The following SGCD variants were observed in gnomAD, a reference collection of about 807,000 sequenced individuals.
SGCD encodes sarcoglycan delta, also known as delta-sarcoglycan.
A neutral mutation model predicts 36.6 loss-of-function variants in SGCD; 18 were observed. The observed-to-expected ratio is 0.49, with a 90% CI of 0.34 to 0.73. The LOEUF (loss-of-function observed/expected upper bound fraction) is 0.73. Ranked by LOEUF, SGCD falls within the 30% of genes least tolerant of loss-of-function variation. The probability of loss-of-function intolerance (pLI) is 0.01; values close to 1 mark genes in which losing one functional copy is unlikely to be tolerated. For missense variants in SGCD, 387 were observed against 346.7 expected (o/e 1.12, Z -0.92); for synonymous variants, 133 against 130.6 (o/e 1.02, Z -0.12).
chr5:155,783,222 G>A, the SGCD span, among the ~76,000 whole-genome samples: 1 of 152,146 alleles, frequency 6.6e-6, no homozygotes, highest in South Asian at 2.1e-4. Flanking sequence ...TGCCTTTGGC[G>A]GGAAATTTAG....
chr5:155,793,788 A>G, the SGCD span, among the ~76,000 whole-genome samples: 1 of 151,996 alleles, frequency 6.6e-6, no homozygotes, highest in African/African-American at 2.4e-5. Context: ...ACCTCAGGCA[A>G]TCCGCCTGTC....
chr5:156,393,103 A>T (rs534982852), intron 3 of SGCD, among the ~76,000 whole-genome samples: 2 of 152,162 alleles, frequency 1.3e-5, no homozygotes, highest in Non-Finnish European at 2.9e-5. Context: ...CCCCGCTTCC[A>T]TATCATTTAA....
chr5:156,495,024 G>A (rs1756120969), intron 3 of SGCD, among the ~76,000 whole-genome samples: 1 of 152,106 alleles, frequency 6.6e-6, no homozygotes, highest in South Asian at 2.1e-4. Context: ...GGAAAAGTGG[G>A]GAGGAGAGAA....
intron 3 of SGCD, among the ~76,000 whole-genome samples, chr5:156,178,851 C>T (rs1763534590): frequency 6.6e-6 from 1 of 152,172 alleles, no homozygotes; most frequent in Admixed American, 6.5e-5. Flanking sequence ...CAGGTGTGAG[C>T]CACCGCGCCC....
intron 7 of SGCD, among the ~76,000 whole-genome samples, chr5:156,744,975 A>C (rs1403826292): frequency 6.6e-6 from 1 of 152,194 alleles, no homozygotes; most frequent in Non-Finnish European, 1.5e-5. Context: ...CAAGCCCTAA[A>C]GGAGCGTGAG....
intron 1 of SGCD, among the ~76,000 whole-genome samples, chr5:155,941,549 T>C (rs901324810): frequency 6.6e-6 from 1 of 151,026 alleles, no homozygotes; most frequent in Non-Finnish European, 1.5e-5. Flanking sequence ...TATTATTATT[T>C]AAATAATTAT....
At chr5:156,566,474 A>T (rs1759482370) in intron 4 of SGCD, among the ~76,000 whole-genome samples, 1 of 152,176 alleles carries the variant, frequency 6.6e-6, no homozygotes. Context: ...GAATCTACTT[A>T]GCAGTCTGTG....
intron 3 of SGCD, among the ~76,000 whole-genome samples, chr5:156,242,326 G>A (rs1350578064): frequency 1.3e-5 from 2 of 152,122 alleles, no homozygotes; most frequent in African/African-American, 4.8e-5. Flanking sequence ...ATTAAAGGTG[G>A]TGGTGGTTTA....
At chr5:156,741,975 A>T (rs1561890265) in intron 7 of SGCD, among the ~76,000 whole-genome samples, 1 of 151,616 alleles carries the variant, frequency 6.6e-6, no homozygotes, top group Non-Finnish European at 1.5e-5. Flanking sequence ...TCCCAGCTTC[A>T]TGCCATTCTC....
At chr5:156,414,557 G>A (rs1026925234) in intron 3 of SGCD, among the ~76,000 whole-genome samples, 2 of 152,204 alleles carry the variant, frequency 1.3e-5, no homozygotes, top group Non-Finnish European at 2.9e-5. Flanking sequence ...TATGGTATCT[G>A]TTGCAATTAC....
rs1768843133 is a variant in SGCD at position 156,344,547 on chromosome 5, AG to A, written c.64del (p.Val22TyrfsTer22). 7 of 1,610,892 alleles carry A rather than the reference AG, an allele frequency of 4.3e-6. No individual in the cohort carries two copies. Among genetic ancestry groups the A allele is most frequent in the Non-Finnish European group, 5.9e-6 (7 of 1,178,414 alleles). On this transcript the variant is annotated frameshift_variant, in exon 3 of 9. Transcript: ENST00000337851. LOFTEE classifies it high-confidence loss of function. Reference protein sequence around the residue: ...RSTMPGSVGPQVYKVGIYGWR... With the variant: ...RSTMPGSVGPXVYKVGIYGWR... ...ACCATGCCTGGCTCTGTGGGGCCACAGGTATACAAGGTGGGGATTTATGGCT... is the reference window on the plus strand; with the variant it reads ...ACCATGCCTGGCTCTGTGGGGCCACAGTATACAAGGTGGGGATTTATGGCT...
intron 7 of SGCD, among the ~76,000 whole-genome samples, chr5:156,691,345 AG>A (rs1754104405): frequency 6.6e-6 from 1 of 152,138 alleles, no homozygotes; most frequent in African/African-American, 2.4e-5. Context: ...TGCTGGCCAT[AG>A]TGCGAGACTC....
chr5:156,022,372 TATTA>T (rs757818080), intron 1 of SGCD, among the ~76,000 whole-genome samples: 12 of 152,226 alleles, frequency 7.9e-5, no homozygotes, highest in Non-Finnish European at 1.8e-4. Flanking sequence ...AAGTCCTGAT[TATTA>T]ATTGTTATTC....
At chr5:156,245,504 T>A (rs1304461673) in intron 3 of SGCD, among the ~76,000 whole-genome samples, 3 of 152,118 alleles carry the variant, frequency 2.0e-5, no homozygotes, top group African/African-American at 7.2e-5. Flanking sequence ...TGTATTGAAC[T>A]AATAACATAA....
chr5:155,852,740 C>T, the SGCD span, among the ~76,000 whole-genome samples: 59 of 152,108 alleles, frequency 3.9e-4, 1 homozygote, highest in African/African-American at 1.3e-3. Flanking sequence ...TTTAACGTGG[C>T]GGGTTATATG....
chr5:156,300,078 A>T (rs962351615), intron 3 of SGCD, among the ~76,000 whole-genome samples: 1 of 151,976 alleles, frequency 6.6e-6, no homozygotes, highest in Non-Finnish European at 1.5e-5. Flanking sequence ...TCTGTCGTAT[A>T]TGTCTTTAAT....
intron 3 of SGCD, among the ~76,000 whole-genome samples, chr5:156,366,221 C>T (rs544972054): frequency 6.6e-6 from 1 of 152,232 alleles, no homozygotes; most frequent in East Asian, 1.9e-4. Context: ...AAAATACTAC[C>T]AAGTGAGGAA....
chr5:156,159,722 A>G lies in SGCD; in HGVS notation c.-44+35703A>G, dbSNP rs1007420797. On this transcript the variant is annotated intron_variant, in intron 3 of 9. Coordinates refer to the SGCD transcript ENST00000517913. ...CATTAATTTCCCAATTTCAGAGGTG[A>G]TCACTGTGCATTTTTATAAATATTT... 4.0e-5 allele frequency among the ~76,000 whole-genome samples: 6 copies of G among 151,678 alleles called. 1 individual carries two copies. Among genetic ancestry groups the G allele is most frequent in the African/African-American group, 1.2e-4 (5 of 41,034 alleles).
intron 4 of SGCD, among the ~76,000 whole-genome samples, chr5:156,535,099 T>C (rs1173116014): frequency 6.6e-6 from 1 of 152,218 alleles, no homozygotes; most frequent in Non-Finnish European, 1.5e-5. Flanking sequence ...CCAAAAGCCA[T>C]TTCCCAAGAG....
Sources: allele counts gnomAD v4.1 joint callset (sites outside exome capture counted in the v4.1 genomes callset), GRCh38; gene constraint gnomAD v4.1.1; transcripts MANE v1.5; gene names NCBI Gene and HGNC (gene_info 2026-07-23, HGNC 2026-07-21).